COL4A4: variants seen among roughly 807,000 people sequenced by gnomAD.
The protein encoded by COL4A4 is collagen alpha-4(IV) chain.
COL4A4 carries 105 observed loss-of-function variants against 192.9 expected under a neutral mutation model. That is an observed-to-expected ratio of 0.54 (90% CI 0.46 to 0.64). The LOEUF (loss-of-function observed/expected upper bound fraction) is 0.64, where lower values mean the gene tolerates loss of function less well. Among genes scored for constraint, COL4A4 ranks in the 30% least tolerant of loss-of-function variants. COL4A4 has a pLI of 0.00. For synonymous variants in COL4A4, 762 were observed against 769.9 expected (o/e 0.99, Z 0.17); for missense variants, 1,967 against 2,169.3 (o/e 0.91, Z 1.85).
intron 31 of COL4A4, among the ~76,000 whole-genome samples, chr2:227,053,543 CTTTTTT>C (rs56724633): frequency 3.9e-5 from 4 of 102,256 alleles, no homozygotes; most frequent in Non-Finnish European, 5.7e-5. Flanking sequence ...TTTTCTTTTT[CTTTTTT>C]TTTTTTTTTT....
intron 26 of COL4A4, 129 bp from the exon 27 acceptor site, chr2:227,060,372 T>G: frequency 1.5e-6 from 1 of 669,878 alleles, no homozygotes; most frequent in Non-Finnish European, 2.6e-6. Flanking sequence ...GTAAGGATGT[T>G]GCCTATCCCG....
At chr2:227,009,032 A>C (rs1023279197) in intron 46 of COL4A4, among the ~76,000 whole-genome samples, 3 of 152,216 alleles carry the variant, frequency 2.0e-5, no homozygotes, top group African/African-American at 7.2e-5. Flanking sequence ...GCAGGAAAGA[A>C]ATTGATGGCA....
intron 12 of COL4A4, among the ~76,000 whole-genome samples, chr2:227,104,953 G>A (rs1235599249): frequency 2.0e-5 from 3 of 151,608 alleles, no homozygotes; most frequent in South Asian, 2.1e-4. Context: ...TTAAAACTTT[G>A]ATATAATTTT....
At chr2:227,147,377 TAAATA>T in intron 2 of COL4A4, 31 bp downstream of exon 2, 2 of 1,588,944 alleles carry the variant, frequency 1.3e-6, no homozygotes, top group South Asian at 2.2e-5. Context: ...TAGAAATTAC[TAAATA>T]AAAGCAGGCA....
intron 37 of COL4A4, among the ~76,000 whole-genome samples, chr2:227,038,012 T>A (rs984639237): frequency 1.3e-5 from 2 of 152,228 alleles, no homozygotes; most frequent in African/African-American, 4.8e-5. Flanking sequence ...TCCCATTCTG[T>A]AGGTTGCCTG....
chr2:227,069,854 A>C (rs370434279), intron 25 of COL4A4, among the ~76,000 whole-genome samples: 10 of 149,332 alleles, frequency 6.7e-5, no homozygotes, highest in Admixed American at 2.0e-4. Context: ...GCAACAAAAG[A>C]CAAAATTGAC....
At chr2:227,041,848 GAGAAAGAA>G (rs71036154) in intron 37 of COL4A4, among the ~76,000 whole-genome samples, 1,203 of 38,494 alleles carry the variant, frequency 0.031, 43 homozygotes, top group Non-Finnish European at 0.037. Flanking sequence ...AAGAAAGAAA[GAGAAAGAA>G]AGAAAGAAAG....
At chr2:227,024,818 T>G (rs1966696110) in intron 43 of COL4A4, among the ~76,000 whole-genome samples, 1 of 152,224 alleles carries the variant, frequency 6.6e-6, no homozygotes, top group Non-Finnish European at 1.5e-5. Context: ...TTGAGAGAGA[T>G]GCATAGAGGC....
At chr2:226,978,519 T>G in the COL4A4 span, among the ~76,000 whole-genome samples, 1 of 152,136 alleles carries the variant, frequency 6.6e-6, no homozygotes, top group Non-Finnish European at 1.5e-5. Flanking sequence ...CGAGCCTCAG[T>G]CTTTACATCT....
At chr2:227,060,318 T>C in intron 26 of COL4A4, 75 bp from the exon 27 acceptor site, 1 of 1,037,210 alleles carries the variant, frequency 9.6e-7, no homozygotes, top group Non-Finnish European at 1.5e-6. Flanking sequence ...TGATTTTCTT[T>C]AAGTCTATGT....
intron 4 of COL4A4, 91 bp from the exon 5 acceptor site, chr2:227,121,239 T>G: frequency 7.1e-7 from 1 of 1,416,006 alleles, no homozygotes; most frequent in Non-Finnish European, 9.7e-7. Flanking sequence ...TACAGAAGAC[T>G]TGGAAATTAG....
rs747784952 is a variant in COL4A4, at chr2:227,043,123, A to G, written c.3351T>C (p.Pro1117=). 3.1e-6 allele frequency: 5 copies of G among 1,614,056 alleles called. No individual in the cohort carries two copies. In the East Asian group the frequency reaches 1.1e-4, roughly 36 times the overall value. ...AGGAGCCAGGTGGCCCTGGCCTTCC[A>G]GGTGATCCTCTGGGCCCTTGAATAC... The part of the protein sequence containing the change: ...LPGIQGPRGS[P]GRPGPPGSSG... Residue 1117 remains proline (P), a synonymous_variant, in exon 36 of 48, where the codon CCT becomes CCC. Transcript: ENST00000396625.
chr2:227,083,139 G>A (rs1344501482), intron 22 of COL4A4, among the ~76,000 whole-genome samples: 1 of 152,160 alleles, frequency 6.6e-6, no homozygotes, highest in Non-Finnish European at 1.5e-5. Flanking sequence ...TGAGGCATAA[G>A]AATCACTTGA....
the COL4A4 span, among the ~76,000 whole-genome samples, chr2:226,971,044 CTT>C: frequency 2.0e-5 from 3 of 152,182 alleles, no homozygotes; most frequent in Non-Finnish European, 4.4e-5. Context: ...TTCGTAGACA[CTT>C]AATTAAATGT....
chr2:227,128,273 C>A (rs113587717), intron 4 of COL4A4, among the ~76,000 whole-genome samples: 1 of 152,184 alleles, frequency 6.6e-6, no homozygotes, highest in Non-Finnish European at 1.5e-5. Flanking sequence ...CCCGGAGTGA[C>A]GTTTCAATCC....
chr2:227,111,807 T>C, intron 8 of COL4A4, 94 bp from the exon 9 acceptor site: 1 of 1,294,886 alleles, frequency 7.7e-7, no homozygotes, highest in Non-Finnish European at 1.1e-6. Context: ...TTATCTGGAC[T>C]CATCTAACTG....
chr2:227,150,904 C>CT (rs113668248), intron 1 of COL4A4, among the ~76,000 whole-genome samples: 28,002 of 148,704 alleles, frequency 0.19, 3,387 homozygotes, highest in East Asian at 0.34. Context: ...ATCAGCCCTC[C>CT]TTTTTTTTTT....
At chr2:227,128,467 T>C (rs981466759) in intron 4 of COL4A4, among the ~76,000 whole-genome samples, 3 of 152,206 alleles carry the variant, frequency 2.0e-5, no homozygotes, top group Non-Finnish European at 4.4e-5. Flanking sequence ...TCTAGAAACT[T>C]TCTTGCATCC....
the COL4A4 span, chr2:226,995,651 C>A: frequency 2.1e-5 from 15 of 697,974 alleles, no homozygotes; most frequent in East Asian, 4.1e-4. Flanking sequence ...CCAGATCGCT[C>A]ACATCACCTG....
Sources: allele counts gnomAD v4.1 joint callset (sites outside exome capture counted in the v4.1 genomes callset), GRCh38; gene constraint gnomAD v4.1.1; transcripts MANE v1.5; gene names NCBI Gene and HGNC (gene_info 2026-07-23, HGNC 2026-07-21).